The following PIK3C2G variants were observed in gnomAD, a reference collection of about 807,000 sequenced individuals.
PIK3C2G encodes the protein phosphatidylinositol-4-phosphate 3-kinase catalytic subunit type 2 gamma.
In PIK3C2G, 168 loss-of-function variants were observed where a neutral mutation model predicts 181.1. The observed-to-expected ratio is 0.93, with a 90% confidence interval of 0.82 to 1.05. The LOEUF is 1.05. PIK3C2G is among the 50% of genes least tolerant of loss of function. The pLI is 0.00. For missense variants in PIK3C2G, 1,869 were observed against 1,732.8 expected (o/e 1.08, Z -1.40); for synonymous variants, 573 against 592.2 (o/e 0.97, Z 0.47).
At chr12:18,600,735 T>G (rs1947665257) in intron 30 of PIK3C2G, among the ~76,000 whole-genome samples, 1 of 151,986 alleles carries the variant, frequency 6.6e-6, no homozygotes, top group Non-Finnish European at 1.5e-5. Context: ...AAAAAAAAAT[T>G]TACTTGGCCC....
chr12:18,282,889 A>T, intron 2 of PIK3C2G, 130 bp downstream of exon 2: 1 of 603,948 alleles, frequency 1.7e-6, no homozygotes, highest in Non-Finnish European at 2.7e-6. Context: ...TTTGAAAAAA[A>T]TTTTCACAAA....
At chr12:18,650,700 GTGTGTATATATCTATATATA>G (rs1950439590), downstream of PIK3C2G, among the ~76,000 whole-genome samples, 42 of 43,824 alleles carry the variant, frequency 9.6e-4, 1 homozygote, top group South Asian at 2.3e-3. Context: ...GTGTGTGTGT[GTGTGTATATATCTATATATA>G]TATATATATA....
At chr12:18,489,157 T>C (rs927997897) in intron 19 of PIK3C2G, among the ~76,000 whole-genome samples, 7 of 152,116 alleles carry the variant, frequency 4.6e-5, no homozygotes, top group African/African-American at 1.7e-4. Flanking sequence ...TTATTTTTCT[T>C]GGAAGAATAT....
chr12:18,550,488 G>C (rs1051282215), intron 26 of PIK3C2G, among the ~76,000 whole-genome samples: 1 of 151,594 alleles, frequency 6.6e-6, no homozygotes, highest in African/African-American at 2.4e-5. Context: ...TTAAAACTTA[G>C]GGAGACTAAA....
chr12:18,633,825 G>A (rs943229673), intron 31 of PIK3C2G, among the ~76,000 whole-genome samples: 1 of 152,136 alleles, frequency 6.6e-6, no homozygotes, highest in African/African-American at 2.4e-5. Context: ...CAATGGAAAC[G>A]TTCCTCTCTG....
At chr12:18,290,069 C>A (rs1159799222) in intron 3 of PIK3C2G, among the ~76,000 whole-genome samples, 3 of 152,078 alleles carry the variant, frequency 2.0e-5, no homozygotes, top group African/African-American at 7.2e-5. Flanking sequence ...AAATCTTTTA[C>A]ATGTCTTTTC....
intron 18 of PIK3C2G, among the ~76,000 whole-genome samples, chr12:18,442,436 A>G (rs1371703684): frequency 1.3e-5 from 2 of 152,196 alleles, no homozygotes; most frequent in African/African-American, 4.8e-5. Context: ...ATATTGCAAT[A>G]ATGGCATGAT....
intron 1 of PIK3C2G, among the ~76,000 whole-genome samples, chr12:18,277,789 C>T (rs1467592858): frequency 1.3e-5 from 2 of 152,128 alleles, no homozygotes; most frequent in Non-Finnish European, 2.9e-5. Context: ...ATAGAAGCAG[C>T]TGGCAGGGGC....
At chr12:18,700,335 T>C in the PIK3C2G span, among the ~76,000 whole-genome samples, 1 of 151,922 alleles carries the variant, frequency 6.6e-6, no homozygotes, top group Non-Finnish European at 1.5e-5. Context: ...CTGGCATCTA[T>C]TTCTTTTACA....
intron 30 of PIK3C2G, among the ~76,000 whole-genome samples, chr12:18,600,395 TG>T (rs1947643316): frequency 6.6e-6 from 1 of 151,416 alleles, no homozygotes; most frequent in African/African-American, 2.4e-5. Context: ...TCAGAAACCA[TG>T]AAAGACAAAA....
At chr12:18,403,259 C>T (rs1478808378) in intron 16 of PIK3C2G, among the ~76,000 whole-genome samples, 4 of 152,098 alleles carry the variant, frequency 2.6e-5, no homozygotes, top group African/African-American at 9.7e-5. Context: ...GTTTATTAAA[C>T]TTCATTCAGG....
chr12:18,572,606 A>T (rs1032741966), intron 29 of PIK3C2G, among the ~76,000 whole-genome samples: 1 of 151,698 alleles, frequency 6.6e-6, no homozygotes, highest in Non-Finnish European at 1.5e-5. Context: ...AGGTTCTTGA[A>T]TTTGTGCTAT....
At chr12:18,414,013 G>C (rs1241843909) in intron 16 of PIK3C2G, among the ~76,000 whole-genome samples, 1 of 152,094 alleles carries the variant, frequency 6.6e-6, no homozygotes, top group African/African-American at 2.4e-5. Flanking sequence ...GCCAGGATTT[G>C]TGGAACATAT....
chr12:18,458,920 T>C (rs914903158), intron 18 of PIK3C2G, among the ~76,000 whole-genome samples: 4 of 151,424 alleles, frequency 2.6e-5, no homozygotes, highest in Non-Finnish European at 4.4e-5. Flanking sequence ...AACTGAATTC[T>C]CCCAACCATC....
chr12:18,616,194 A>T (rs1443829452), intron 31 of PIK3C2G, among the ~76,000 whole-genome samples: 1 of 152,042 alleles, frequency 6.6e-6, no homozygotes, highest in East Asian at 1.9e-4. Context: ...ATATTCACTG[A>T]CTTAGCTCTT....
the PIK3C2G span, among the ~76,000 whole-genome samples, chr12:18,659,052 A>G: frequency 6.6e-6 from 1 of 152,108 alleles, no homozygotes; most frequent in African/African-American, 2.4e-5. Context: ...AAGAGTTGCT[A>G]TGGAAAGGAA....
chr12:18,696,128 C>T, the PIK3C2G span: 67 of 1,201,560 alleles, frequency 5.6e-5, 4 homozygotes, highest in Middle Eastern at 7.7e-3. Context: ...CTGCAAACAA[C>T]TCAATATCGT....
At chr12:18,466,476 T>G (rs1238300131) in intron 18 of PIK3C2G, among the ~76,000 whole-genome samples, 1 of 151,880 alleles carries the variant, frequency 6.6e-6, no homozygotes, top group African/African-American at 2.4e-5. Flanking sequence ...CTTCCTTATT[T>G]GTAGAACCCT....
the PIK3C2G span, among the ~76,000 whole-genome samples, chr12:18,656,053 A>G: frequency 1.3e-5 from 2 of 152,224 alleles, no homozygotes; most frequent in Admixed American, 6.5e-5. Context: ...AAATTCTAAT[A>G]TAAGTTGTTA....
Sources: gnomAD v4.1 joint callset for allele counts (sites outside exome capture counted in the v4.1 genomes callset) on GRCh38, gnomAD v4.1.1 for gene constraint, MANE v1.5 for transcripts, NCBI Gene and HGNC (gene_info 2026-07-23, HGNC 2026-07-21) for gene names.